CTPS1: variants seen among roughly 807,000 people sequenced by gnomAD.
CTPS1 encodes CTP synthase 1, also known as CTP synthetase 1.
In CTPS1, 25 loss-of-function variants were observed where a neutral mutation model predicts 80.5. That is an observed-to-expected ratio of 0.31 (90% CI 0.23 to 0.43). The LOEUF (loss-of-function observed/expected upper bound fraction) is 0.43. Ranked by LOEUF, CTPS1 falls within the 20% of genes least tolerant of loss-of-function variation. CTPS1 has a pLI of 1.00. For missense variants in CTPS1, 442 were observed against 725.7 expected, an observed-to-expected ratio of 0.61 and a Z score of 4.49; for synonymous variants, 267 against 252.5, an observed-to-expected ratio of 1.06 and a Z score of -0.54.
intron 11 of CTPS1, 79 bp from the exon 12 acceptor site, chr1:41,003,035 G>C: frequency 7.3e-7 from 1 of 1,372,772 alleles, no homozygotes. Flanking sequence ...GGACACAAAG[G>C]CCATTGCAGA....
chr1:40,993,863 C>T (rs1030379638), intron 7 of CTPS1, among the ~76,000 whole-genome samples: 3 of 137,526 alleles, frequency 2.2e-5, no homozygotes, highest in African/African-American at 8.0e-5. Flanking sequence ...ACTGCCATCT[C>T]TGTCTCCCGT....
chr1:41,000,964 A>C (rs1642889266), intron 9 of CTPS1, 65 bp from the exon 10 acceptor site: 8 of 1,067,146 alleles, frequency 7.5e-6, no homozygotes, highest in Non-Finnish European at 1.1e-5. Context: ...ATATTATTTA[A>C]AAATTAAGAA....
In CTPS1 at chr1:41,009,448, A is replaced by T. The variant is rs754570151; in HGVS notation, c.1550A>T (p.His517Leu). The T allele has an allele frequency of 6.4e-7, 1 of 1,567,266 alleles. No individual in the cohort carries two copies. The highest frequency in any genetic ancestry group is 1.2e-5 in the South Asian group (1 of 84,410). The change falls in exon 17 of 19, where the codon CAT becomes CTT. Residue 517 changes from histidine (H) to leucine (L), a missense_variant. Physicochemically the swap from His to Leu is moderately conservative, Grantham distance 99 (BLOSUM62 -3). Transcript: ENST00000650070. ...ERMEIVELEDHPFFVGVQYHP... is the reference protein window; with the variant it reads ...ERMEIVELEDLPFFVGVQYHP... ...TTCTTTTGAATCTCTATTTCAGATC[A>T]TCCCTTTTTTGTTGGGGTTCAGTAC...
Position 41,007,061 on chromosome 1 carries a change from G to A in CTPS1, c.1297-388G>A, listed in dbSNP as rs1265386716. Among the ~76,000 whole-genome samples, 1 of 152,198 alleles carries A rather than the reference G, an allele frequency of 6.6e-6. No individual in the cohort carries two copies. The highest frequency in any genetic ancestry group is 2.4e-5 in the African/African-American group (1 of 41,448). ...TGCTAAGCTGCAGGGTGCTAGCCCT[G>A]CATCCCTTGCCTTTGAGCAGTCATC... On this transcript the variant is annotated intron_variant, in intron 13 of 18. Transcript: ENST00000650070. The surrounding 1 kb of genome is among the most constrained non-coding windows in gnomAD (Gnocchi z 4.4).
chr1:40,990,029 A>G (rs1642560890), intron 5 of CTPS1, among the ~76,000 whole-genome samples: 1 of 152,082 alleles, frequency 6.6e-6, no homozygotes, highest in Non-Finnish European at 1.5e-5. Context: ...TATAATCTGA[A>G]CCCCAGGGGT....
intron 10 of CTPS1, chr1:41,001,679 G>T (rs1461289181): frequency 1.9e-5 from 3 of 156,746 alleles, no homozygotes; most frequent in African/African-American, 7.2e-5. Context: ...AGAGGCTGAG[G>T]TGGGAGGATT....
intron 3 of CTPS1, 108 bp from the exon 4 acceptor site, chr1:40,987,264 A>T (rs1642479962): frequency 1.3e-6 from 1 of 788,754 alleles, no homozygotes; most frequent in Non-Finnish European, 2.2e-6. Context: ...CCCTATTGCT[A>T]CTCTCTCCAG....
At chr1:40,987,281 A>C in intron 3 of CTPS1, 91 bp from the exon 4 acceptor site, 1 of 895,034 alleles carries the variant, frequency 1.1e-6, no homozygotes. Flanking sequence ...CCAGGCAAAG[A>C]GTGCTGCAGT....
chr1:40,991,038 A>C, intron 5 of CTPS1, 127 bp from the exon 6 acceptor site: 1 of 701,078 alleles, frequency 1.4e-6, no homozygotes, highest in South Asian at 1.8e-5. Context: ...GACAAACATA[A>C]AAGCTAAATT....
At position 41,011,250 on chromosome 1, in the gene CTPS1, T is replaced by G. The variant is rs115974696; in HGVS notation, c.*10-408T>G. On this transcript the variant is annotated intron_variant, in intron 18 of 18. Coordinates refer to ENST00000650070, the MANE Select transcript of CTPS1 (RefSeq NM_001905.4). Reference sequence around the variant, plus strand: ...GTGCTAGGTAAGCGTTTAACACGGATGGACTCATTAATCCCCTGACCAGGG... The same window carrying G: ...GTGCTAGGTAAGCGTTTAACACGGAGGGACTCATTAATCCCCTGACCAGGG... Among the ~76,000 whole-genome samples the G allele has an allele frequency of 2.7e-3, 404 of 152,322 alleles. 1 individual carries two copies. The highest frequency in any genetic ancestry group is 9.4e-3 in the African/African-American group (392 of 41,584).
At chr1:41,009,318 C>T in intron 16 of CTPS1, 127 bp from the exon 17 acceptor site, 1 of 999,714 alleles carries the variant, frequency 1.0e-6, no homozygotes, top group South Asian at 1.8e-5. Flanking sequence ...TATCTAGATT[C>T]AAATGAGAAA....
chr1:40,997,511 C>T lies in CTPS1; in HGVS notation c.990C>T (p.His330=). The change falls in exon 9 of 19, where the codon CAC becomes CAT. Residue 330 remains histidine (H), a synonymous_variant. Transcript: ENST00000650070. ...ALEHSALAIN[H]KLEIKYIDSA... ...AGCATTCTGCACTGGCCATCAACCA[C>T]AAATTGGAAATCAAGGTAAGGAGGG... The T allele has an allele frequency of 1.2e-6, 2 of 1,613,884 alleles. No individual in the cohort carries two copies. Among genetic ancestry groups the T allele is most frequent in the Non-Finnish European group, 1.7e-6 (2 of 1,179,898 alleles).
chr1:41,002,306 A>G, intron 11 of CTPS1, 52 bp downstream of exon 11: 1 of 1,451,666 alleles, frequency 6.9e-7, no homozygotes, highest in Non-Finnish European at 9.7e-7. Flanking sequence ...AGAGTGGGGA[A>G]CGGTGCCACG....
intron 1 of CTPS1, chr1:40,980,313 C>A (rs902004022): frequency 2.0e-5 from 3 of 151,974 alleles, no homozygotes; most frequent in African/African-American, 7.2e-5. Context: ...CTCAGCCGCC[C>A]GGGGCTGGGC....
intron 18 of CTPS1, among the ~76,000 whole-genome samples, chr1:41,011,097 C>T (rs1193264804): frequency 6.6e-6 from 1 of 152,220 alleles, no homozygotes; most frequent in Admixed American, 6.5e-5. Context: ...GGTGCTGGGT[C>T]AGTGCCGGTC....
At chr1:40,996,636 G>A (rs560255869) in intron 8 of CTPS1, among the ~76,000 whole-genome samples, 1 of 152,232 alleles carries the variant, frequency 6.6e-6, no homozygotes, top group African/African-American at 2.4e-5. Flanking sequence ...CAATATGATG[G>A]CCTAGAAGCA....
intron 8 of CTPS1, 24 bp from the exon 9 acceptor site, chr1:40,997,369 GT>G: frequency 6.2e-7 from 1 of 1,607,380 alleles, no homozygotes; most frequent in Non-Finnish European, 8.5e-7. Context: ...GAGTAATTGG[GT>G]TTTTCTTGAC....
At chr1:40,980,320 G>C (rs1651819034) in intron 1 of CTPS1, 1 of 151,992 alleles carries the variant, frequency 6.6e-6, no homozygotes, top group Non-Finnish European at 1.5e-5. Flanking sequence ...GCCCGGGGCT[G>C]GGCGCGGCAG....
At chr1:41,006,431 C>T (rs770942295) in intron 13 of CTPS1, among the ~76,000 whole-genome samples, 5 of 152,174 alleles carry the variant, frequency 3.3e-5, no homozygotes, top group Non-Finnish European at 2.9e-5. Context: ...TGTGTACTTA[C>T]TGTGTGCCAG....
Sources: gnomAD v4.1 joint callset for allele counts (sites outside exome capture counted in the v4.1 genomes callset) on GRCh38, gnomAD v4.1.1 for gene constraint, Gnocchi (gnomAD v3.1) non-coding constraint, MANE v1.5 for transcripts, NCBI Gene and HGNC (gene_info 2026-07-23, HGNC 2026-07-21) for gene names.